The following UNC5C variants were observed in gnomAD, a reference collection of about 807,000 sequenced individuals.
UNC5C encodes the protein unc-5 netrin receptor C.
In UNC5C, 47 loss-of-function variants were observed where a neutral mutation model predicts 99.8. That is an observed-to-expected ratio of 0.47 (90% CI 0.37 to 0.60). The LOEUF (loss-of-function observed/expected upper bound fraction) is 0.60, where lower values mean the gene tolerates loss of function less well. Ranked by LOEUF, UNC5C falls within the 20% of genes least tolerant of loss-of-function variation. The pLI is 0.00. For synonymous variants in UNC5C, 487 were observed against 452.2 expected (o/e 1.08, Z -0.98); for missense variants, 1,062 against 1,165.9 (o/e 0.91, Z 1.30).
chr4:95,239,466 C>T (rs1475971695), intron 7 of UNC5C, among the ~76,000 whole-genome samples: 1 of 152,136 alleles, frequency 6.6e-6, no homozygotes, highest in African/African-American at 2.4e-5. Context: ...GTCTAGGTCT[C>T]ACAAAGCCAG....
chr4:95,408,824 A>G (rs1220727546), intron 1 of UNC5C, among the ~76,000 whole-genome samples: 1 of 152,220 alleles, frequency 6.6e-6, no homozygotes, highest in African/African-American at 2.4e-5. Context: ...GATCTACAGC[A>G]TGTAAGTATA....
At chr4:95,303,270 A>T (rs1208242054) in intron 2 of UNC5C, among the ~76,000 whole-genome samples, 2 of 152,228 alleles carry the variant, frequency 1.3e-5, no homozygotes, top group Non-Finnish European at 2.9e-5. Context: ...TGCCAAACTC[A>T]CTGAATAGGA....
At chr4:95,179,244 A>G (rs558459159) in intron 14 of UNC5C, among the ~76,000 whole-genome samples, 24 of 152,280 alleles carry the variant, frequency 1.6e-4, no homozygotes, top group African/African-American at 4.6e-4. Context: ...GATTTTCCCA[A>G]TGGTCATTTT....
chr4:95,547,221 G>A (rs1489065180), intron 1 of UNC5C, among the ~76,000 whole-genome samples: 1 of 152,040 alleles, frequency 6.6e-6, no homozygotes, highest in Admixed American at 6.6e-5. Context: ...GGGATGGGAG[G>A]CATCTGGCGA....
chr4:95,336,777 A>C (rs1743366133), intron 1 of UNC5C, among the ~76,000 whole-genome samples: 1 of 151,916 alleles, frequency 6.6e-6, no homozygotes, highest in South Asian at 2.1e-4. Context: ...ACAGTAGTAA[A>C]TTTTTGACAC....
intron 3 of UNC5C, among the ~76,000 whole-genome samples, chr4:95,283,210 T>C (rs148918889): frequency 9.2e-5 from 14 of 152,346 alleles, no homozygotes; most frequent in East Asian, 1.9e-4. Flanking sequence ...GCACATTTTA[T>C]GTAGGCCCTT....
intron 1 of UNC5C, among the ~76,000 whole-genome samples, chr4:95,548,339 G>T (rs1011585657): frequency 1.3e-5 from 2 of 151,976 alleles, no homozygotes; most frequent in African/African-American, 4.8e-5. Flanking sequence ...GCGCTTCGGG[G>T]TGCATCTACG....
At chr4:95,385,677 C>T (rs370115760) in intron 1 of UNC5C, among the ~76,000 whole-genome samples, 2 of 152,148 alleles carry the variant, frequency 1.3e-5, no homozygotes, top group African/African-American at 4.8e-5. Context: ...ATCTCTAGTG[C>T]TTGCCAGTGG....
At chr4:95,426,244 T>C (rs1746481357) in intron 1 of UNC5C, among the ~76,000 whole-genome samples, 1 of 152,224 alleles carries the variant, frequency 6.6e-6, no homozygotes, top group African/African-American at 2.4e-5. Flanking sequence ...CAGTGATCTT[T>C]GAGGTTACTA....
chr4:95,180,769 C>T (rs558280360), intron 14 of UNC5C, among the ~76,000 whole-genome samples: 1 of 152,166 alleles, frequency 6.6e-6, no homozygotes, highest in Non-Finnish European at 1.5e-5. Context: ...TTCTGGCAAG[C>T]CAGCTCATTC....
chr4:95,237,501 AG>A (rs762056704), intron 7 of UNC5C, among the ~76,000 whole-genome samples: 20 of 152,188 alleles, frequency 1.3e-4, no homozygotes, highest in Non-Finnish European at 1.9e-4. Context: ...GTCAAATTTG[AG>A]GAAAGAAATA....
At chr4:95,482,025 A>C (rs1393180619) in intron 1 of UNC5C, among the ~76,000 whole-genome samples, 15 of 152,188 alleles carry the variant, frequency 9.9e-5, no homozygotes, top group Admixed American at 8.5e-4. Flanking sequence ...TAATTAAACT[A>C]AAGAGCTTCT....
chr4:95,224,284 A>C (rs1030596178), intron 7 of UNC5C, among the ~76,000 whole-genome samples: 1 of 152,156 alleles, frequency 6.6e-6, no homozygotes, highest in Admixed American at 6.5e-5. Context: ...TCTGTCTCAA[A>C]AAATAAAAAG....
chr4:95,346,449 T>G (rs1445549744), intron 1 of UNC5C, among the ~76,000 whole-genome samples: 5 of 151,938 alleles, frequency 3.3e-5, no homozygotes, highest in African/African-American at 1.2e-4. Flanking sequence ...GTATTACCCT[T>G]ATACCCAAAC....
chr4:95,201,298 G>A lies in UNC5C; in HGVS notation c.2136+1433C>T, dbSNP rs145644772. Among the ~76,000 whole-genome samples, 23 of 152,138 alleles carry A rather than the reference G, an allele frequency of 1.5e-4. No individual in the cohort carries two copies. In the East Asian group the frequency reaches 4.3e-3, roughly 28 times the overall value. On this transcript the variant is annotated intron_variant, in intron 12 of 15. Coordinates refer to ENST00000453304, the MANE Select transcript of UNC5C (RefSeq NM_003728.4). ...TGACCTTCCGCCCCATCCATTGAGC[G>A]CTCGTCATGGGATTCTCGAAAGGCC...
intron 2 of UNC5C, among the ~76,000 whole-genome samples, chr4:95,307,805 G>C (rs1742115209): frequency 6.6e-6 from 1 of 152,146 alleles, no homozygotes; most frequent in South Asian, 2.1e-4. Context: ...GGGATGCAAG[G>C]ATGTTTCAAC....
intron 7 of UNC5C, among the ~76,000 whole-genome samples, chr4:95,233,146 A>G (rs1031925771): frequency 6.6e-6 from 1 of 152,186 alleles, no homozygotes; most frequent in Admixed American, 6.5e-5. Flanking sequence ...ACACATGGAG[A>G]GCTCTGCCAC....
intron 1 of UNC5C, among the ~76,000 whole-genome samples, chr4:95,424,200 T>C (rs991428152): frequency 2.6e-5 from 4 of 152,188 alleles, no homozygotes; most frequent in Non-Finnish European, 5.9e-5. Flanking sequence ...GGTACTAAGA[T>C]AACATGAAAA....
intron 1 of UNC5C, among the ~76,000 whole-genome samples, chr4:95,339,165 C>T (rs544745968): frequency 1.3e-5 from 2 of 152,090 alleles, no homozygotes; most frequent in Non-Finnish European, 2.9e-5. Flanking sequence ...ATTGTTCAGA[C>T]TGAGAAACTC....
Sources: gnomAD v4.1 joint callset for allele counts (sites outside exome capture counted in the v4.1 genomes callset) on GRCh38, gnomAD v4.1.1 for gene constraint, MANE v1.5 for transcripts, NCBI Gene and HGNC (gene_info 2026-07-23, HGNC 2026-07-21) for gene names.